The following GREB1 variants were observed in gnomAD, a reference collection of about 807,000 sequenced individuals.
GREB1 encodes growth regulating estrogen receptor binding 1, also known as protein GREB1.
GREB1 carries 106 observed loss-of-function variants against 200.7 expected under a neutral mutation model. The observed-to-expected ratio is 0.53, with a 90% CI of 0.45 to 0.62. The LOEUF is 0.62. GREB1 is among the 20% of genes least tolerant of loss of function. GREB1 has a pLI of 0.00. For missense variants in GREB1, 2,243 were observed against 2,556.8 expected (o/e 0.88, Z 2.65); for synonymous variants, 1,132 against 1,092.4 (o/e 1.04, Z -0.72).
At chr2:11,483,273 T>C (rs945578260) in intron 1 of GREB1, among the ~76,000 whole-genome samples, 2 of 142,562 alleles carry the variant, frequency 1.4e-5, no homozygotes, top group African/African-American at 5.1e-5. Flanking sequence ...CGTGTGTGCG[T>C]GTGTGAGTGC....
At chr2:11,498,081 G>C (rs1037174284) in intron 1 of GREB1, among the ~76,000 whole-genome samples, 2 of 135,534 alleles carry the variant, frequency 1.5e-5, no homozygotes, top group Admixed American at 8.6e-5. Flanking sequence ...CTGCAGCCTC[G>C]ACCTCCTGGC....
intron 2 of GREB1, among the ~76,000 whole-genome samples, chr2:11,560,938 G>A (rs1056532464): frequency 1.3e-5 from 2 of 152,188 alleles, no homozygotes; most frequent in African/African-American, 2.4e-5. Context: ...AATAAGGTAC[G>A]ATTCTGTGTA....
At chr2:11,550,868 A>T (rs1165662266) in intron 1 of GREB1, among the ~76,000 whole-genome samples, 1 of 152,028 alleles carries the variant, frequency 6.6e-6, no homozygotes, top group Non-Finnish European at 1.5e-5. Flanking sequence ...CATGTTCTCC[A>T]TCTGTCCCAT....
intron 23 of GREB1, among the ~76,000 whole-genome samples, chr2:11,622,046 G>C (rs906352266): frequency 8.5e-5 from 13 of 152,272 alleles, no homozygotes; most frequent in Middle Eastern, 3.4e-3. Flanking sequence ...CTCTATTATA[G>C]GGTTTTATGG....
At chr2:11,560,298 T>G (rs1393581708) in intron 2 of GREB1, among the ~76,000 whole-genome samples, 1 of 152,240 alleles carries the variant, frequency 6.6e-6, no homozygotes, top group Non-Finnish European at 1.5e-5. Flanking sequence ...GATTTCATCA[T>G]TAACCTAGGT....
At position 11,595,345 on chromosome 2, in the gene GREB1, C is replaced by G. The variant is rs1424581643; in HGVS notation, c.1791C>G (p.Asp597Glu). Residue 597 changes from aspartate (D) to glutamate (E), a missense_variant, in exon 12 of 33, where the codon GAC becomes GAG. Physicochemically the swap from Asp to Glu is conservative, Grantham distance 45 (BLOSUM62 2). Around this residue, in one of 3 missense-constraint regions of GREB1, gnomAD observed 1,178 missense variants for 1,387.4 expected, o/e 0.85. Transcript: ENST00000381486. ...ACGAGCTGGTTACGGGGAAGGTAGA[C>G]TCGCTGGGGGCCTTCTTTAGCACCC... ...VNYELVTGKV[D>E]SLGAFFSTLC... 2 of 1,613,934 alleles carry G rather than the reference C, an allele frequency of 1.2e-6. No individual in the cohort carries two copies. The highest frequency in any genetic ancestry group is 1.7e-6 in the Non-Finnish European group (2 of 1,179,868).
At position 11,596,143 on chromosome 2, in the gene GREB1, C is replaced by A. The variant is rs1386451755; in HGVS notation, c.1858C>A (p.His620Asn). The change falls in exon 13 of 33, where the codon CAC becomes AAC. Residue 620 changes from histidine (H) to asparagine (N), a missense_variant. Coordinates refer to ENST00000381486, the MANE Select transcript of GREB1 (RefSeq NM_014668.4). ...GDIDILLDKF[H>N]QENQGHISSS... The stretch of plus-strand genomic sequence containing the variant: ...CATTGACATTTTGCTGGACAAATTT[C>A]ACCAGGAAAATCAAGGCCATATTTC... The A allele has an allele frequency of 1.9e-6, 3 of 1,613,702 alleles. No individual in the cohort carries two copies. The highest frequency in any genetic ancestry group is 2.5e-6 in the Non-Finnish European group (3 of 1,179,636).
intron 19 of GREB1, among the ~76,000 whole-genome samples, chr2:11,613,640 G>A (rs1029361785): frequency 2.6e-5 from 4 of 152,200 alleles, no homozygotes; most frequent in Non-Finnish European, 5.9e-5. Flanking sequence ...CTTGCTTGTT[G>A]CTATTTCACA....
intron 3 of GREB1, among the ~76,000 whole-genome samples, chr2:11,565,102 C>T (rs965097034): frequency 6.6e-6 from 1 of 152,190 alleles, no homozygotes; most frequent in Non-Finnish European, 1.5e-5. Flanking sequence ...CACAGCCAGA[C>T]CATATCATGC....
Position 11,629,122 on chromosome 2 carries a change from A to G in GREB1, c.4450-826A>G, listed in dbSNP as rs980968461. On this transcript the variant is annotated intron_variant, in intron 25 of 32. Coordinates refer to ENST00000381486, the MANE Select transcript of GREB1 (RefSeq NM_014668.4). This position sits in a 1 kb window ranked among gnomAD's most constrained non-coding sequence, Gnocchi z 5.2. ...CAAAGAAAGGGCTCTGTGGGTCTAG[A>G]AGAGCCATGGCAGAGATTAAAGCAG... Among the ~76,000 whole-genome samples the G allele has an allele frequency of 5.3e-5, 8 of 152,156 alleles. No homozygotes were observed. Among genetic ancestry groups the G allele is most frequent in the Non-Finnish European group, 8.8e-5 (6 of 68,026 alleles).
intron 1 of GREB1, among the ~76,000 whole-genome samples, chr2:11,504,386 C>A (rs1031048559): frequency 2.6e-5 from 4 of 152,146 alleles, no homozygotes; most frequent in East Asian, 3.8e-4. Context: ...GTCTTCAAAG[C>A]GATTTTTTAA....
At chr2:11,546,117 C>T (rs112012586) in intron 1 of GREB1, among the ~76,000 whole-genome samples, 3,035 of 152,084 alleles carry the variant, frequency 0.02, 93 homozygotes, top group African/African-American at 0.064. Context: ...GTGGAGGTTG[C>T]GGTGAGCTGA....
intron 1 of GREB1, among the ~76,000 whole-genome samples, chr2:11,527,141 C>T (rs544795403): frequency 6.6e-6 from 1 of 152,258 alleles, no homozygotes; most frequent in African/African-American, 2.4e-5. Flanking sequence ...TAGTGTACTA[C>T]TATTAGTTTT....
At chr2:11,513,822 A>G (rs114707474) in intron 1 of GREB1, among the ~76,000 whole-genome samples, 2,277 of 152,218 alleles carry the variant, frequency 0.015, 57 homozygotes, top group African/African-American at 0.052. Flanking sequence ...GCTTGGTAGG[A>G]TGCACTCACA....
intron 9 of GREB1, among the ~76,000 whole-genome samples, chr2:11,586,207 T>C (rs1393375772): frequency 6.6e-6 from 1 of 152,216 alleles, no homozygotes; most frequent in Admixed American, 6.5e-5. Context: ...CTCAGCTTCA[T>C]TGAGCTTCTG....
chr2:11,624,610 G>C (rs371594959), intron 23 of GREB1, among the ~76,000 whole-genome samples: 3 of 152,104 alleles, frequency 2.0e-5, no homozygotes, highest in Non-Finnish European at 4.4e-5. Flanking sequence ...CTCCCAAAGT[G>C]CTGGGATTAC....
intron 1 of GREB1, among the ~76,000 whole-genome samples, chr2:11,495,738 G>C (rs1672865336): frequency 6.6e-6 from 1 of 151,840 alleles, no homozygotes; most frequent in African/African-American, 2.4e-5. Context: ...GCCCGGGTCC[G>C]AGCGCCTAGC....
chr2:11,611,964 C>T (rs1682971469), intron 18 of GREB1, among the ~76,000 whole-genome samples: 1 of 152,080 alleles, frequency 6.6e-6, no homozygotes, highest in African/African-American at 2.4e-5. Context: ...GAGGCCGAGG[C>T]GGGCGGATCA....
intron 1 of GREB1, among the ~76,000 whole-genome samples, chr2:11,500,356 T>C (rs1217392678): frequency 2.6e-5 from 4 of 152,198 alleles, no homozygotes; most frequent in Admixed American, 6.5e-5. Flanking sequence ...GAGATGGGGT[T>C]TCACCATGTT....
Sources: allele counts gnomAD v4.1 joint callset (sites outside exome capture counted in the v4.1 genomes callset), GRCh38; gene constraint gnomAD v4.1.1; regional missense constraint gnomAD v4.1.1; non-coding constraint Gnocchi (gnomAD v3.1); transcripts MANE v1.5; gene names NCBI Gene and HGNC (gene_info 2026-07-23, HGNC 2026-07-21).